Variants in DOCK8 observed in about 807,000 individuals in gnomAD.
DOCK8 encodes the protein dedicator of cytokinesis 8.
A neutral mutation model predicts 245.6 loss-of-function variants in DOCK8; 141 were observed. The observed-to-expected ratio is 0.57, with a 90% CI of 0.50 to 0.66. The LOEUF (loss-of-function observed/expected upper bound fraction) is 0.66. Ranked by LOEUF, DOCK8 falls within the 30% of genes least tolerant of loss-of-function variation. The pLI, the probability that DOCK8 is intolerant of heterozygous loss-of-function variation, is 0.00. For synonymous variants in DOCK8, 1,168 were observed against 970.2 expected (o/e 1.20, Z -3.79); for missense variants, 2,965 against 2,603.4 (o/e 1.14, Z -3.02).
At chr9:411,968 T>C (rs1001364642) in intron 28 of DOCK8, among the ~76,000 whole-genome samples, 4 of 152,054 alleles carry the variant, frequency 2.6e-5, no homozygotes, top group Admixed American at 1.3e-4. Context: ...CTATGAAAAA[T>C]CCACAGCTAA....
At chr9:212,260 G>A (rs559570121), upstream of DOCK8, among the ~76,000 whole-genome samples, 5 of 152,132 alleles carry the variant, frequency 3.3e-5, no homozygotes, top group African/African-American at 9.7e-5. Context: ...GAAAGAGGTC[G>A]GCTTTCTGGG....
chr9:455,100 T>C (rs948029483), intron 46 of DOCK8, among the ~76,000 whole-genome samples: 6 of 152,144 alleles, frequency 3.9e-5, no homozygotes, highest in African/African-American at 1.4e-4. Flanking sequence ...GTCCCACCTT[T>C]CTCCCCACTG....
intron 26 of DOCK8, among the ~76,000 whole-genome samples, chr9:399,997 T>TCA: frequency 1.7e-5 from 1 of 57,900 alleles, no homozygotes; most frequent in African/African-American, 8.2e-5. Flanking sequence ...TCCCACCACC[T>TCA]CCACCACCTC....
intron 6 of DOCK8, chr9:312,736 CTT>C: frequency 3.0e-6 from 1 of 329,050 alleles, no homozygotes; most frequent in Non-Finnish European, 5.8e-6. Context: ...ATAATGTAGA[CTT>C]TGCCTGTGGT....
chr9:400,838 A>AT (rs1564015744), intron 26 of DOCK8, among the ~76,000 whole-genome samples: 20 of 81,114 alleles, frequency 2.5e-4, no homozygotes, highest in Non-Finnish European at 3.2e-4. Flanking sequence ...CACCATCACC[A>AT]CCACCTCCAC....
At chr9:234,347 A>G (rs533753531) in intron 1 of DOCK8, among the ~76,000 whole-genome samples, 3 of 152,038 alleles carry the variant, frequency 2.0e-5, no homozygotes, top group South Asian at 2.1e-4. Context: ...CTTCATTTCA[A>G]CTTTGGTGAA....
intron 35 of DOCK8, among the ~76,000 whole-genome samples, chr9:429,269 T>A (rs1462384020): frequency 1.3e-5 from 2 of 152,354 alleles, no homozygotes; most frequent in East Asian, 3.9e-4. Flanking sequence ...TCCTGGCCTA[T>A]TTTTCCCTTT....
rs1167051326 is a variant in DOCK8 at position 360,877 on chromosome 9, C to T, written c.1680-7141C>T. The stretch of plus-strand genomic sequence containing the variant: ...GAGTGCTCCCTCAAAAAGAGCATTT[C>T]AGCTGGTCACAGTGGCTTGGGCTTG... On this transcript the variant is annotated intron_variant, in intron 14 of 47. Transcript: ENST00000432829. Among the ~76,000 whole-genome samples the T allele has an allele frequency of 6.6e-5, 10 of 152,208 alleles. No individual in the cohort carries two copies. In the East Asian group the frequency reaches 1.9e-3, roughly 29 times the overall value.
At chr9:349,901 T>C (rs769311426) in intron 14 of DOCK8, among the ~76,000 whole-genome samples, 1 of 152,224 alleles carries the variant, frequency 6.6e-6, no homozygotes, top group South Asian at 2.1e-4. Flanking sequence ...AGTAGGGACA[T>C]GAAAATTATT....
chr9:386,582 C>T (rs1004228691), intron 23 of DOCK8, among the ~76,000 whole-genome samples, 156 bp downstream of exon 23: 1 of 152,218 alleles, frequency 6.6e-6, no homozygotes, highest in Non-Finnish European at 1.5e-5. Context: ...CAGCCCTGTC[C>T]TTTACGCCAC....
At chr9:292,387 CAA>C (rs5895837) in intron 4 of DOCK8, among the ~76,000 whole-genome samples, 4 of 63,076 alleles carry the variant, frequency 6.3e-5, no homozygotes, top group Non-Finnish European at 1.0e-4. Context: ...AACTCCGTCT[CAA>C]AAAAAAAAAA....
At chr9:275,668 A>G (rs2048317113) in intron 2 of DOCK8, among the ~76,000 whole-genome samples, 1 of 151,972 alleles carries the variant, frequency 6.6e-6, no homozygotes, top group Non-Finnish European at 1.5e-5. Context: ...GGCTCACTGC[A>G]ACTCCTGCCT....
At chr9:429,312 G>T (rs2056620477) in intron 35 of DOCK8, among the ~76,000 whole-genome samples, 1 of 152,080 alleles carries the variant, frequency 6.6e-6, no homozygotes, top group Admixed American at 6.6e-5. Context: ...TTCTACATGG[G>T]GTCTTTTAAA....
At chr9:251,134 G>C (rs190826797) in intron 1 of DOCK8, among the ~76,000 whole-genome samples, 10 of 152,298 alleles carry the variant, frequency 6.6e-5, no homozygotes, top group Admixed American at 3.3e-4. Context: ...TTCTGTTTCA[G>C]ATGTCTCCTT....
At chr9:445,575 C>T (rs1275364310) in intron 43 of DOCK8, among the ~76,000 whole-genome samples, 4 of 152,162 alleles carry the variant, frequency 2.6e-5, no homozygotes, top group South Asian at 4.1e-4. Context: ...CCTTCATAAC[C>T]AAGATATAGA....
chr9:434,295 G>T (rs1046821679), intron 38 of DOCK8, among the ~76,000 whole-genome samples: 3 of 152,128 alleles, frequency 2.0e-5, no homozygotes, highest in Non-Finnish European at 4.4e-5. Flanking sequence ...ATATGCTTTT[G>T]TTCCAATTAT....
intron 24 of DOCK8, among the ~76,000 whole-genome samples, chr9:394,417 AC>A (rs1443411120): frequency 4.6e-5 from 7 of 152,172 alleles, no homozygotes; most frequent in Non-Finnish European, 1.0e-4. Context: ...TTATTTGAAA[AC>A]CAAAACAGTT....
At chr9:365,548 C>T (rs1177547928) in intron 14 of DOCK8, 3 of 445,158 alleles carry the variant, frequency 6.7e-6, no homozygotes, top group South Asian at 3.2e-5. Flanking sequence ...TACTGCTAGT[C>T]ATAAAACTTA....
At chr9:211,938 T>G (rs952279388), upstream of DOCK8, among the ~76,000 whole-genome samples, 2 of 152,108 alleles carry the variant, frequency 1.3e-5, no homozygotes, top group African/African-American at 4.8e-5. Flanking sequence ...AGCTTCCAGT[T>G]AAGTAGGGTA....
Sources: gnomAD v4.1 joint callset for allele counts (sites outside exome capture counted in the v4.1 genomes callset) on GRCh38, gnomAD v4.1.1 for gene constraint, MANE v1.5 for transcripts, NCBI Gene and HGNC (gene_info 2026-07-23, HGNC 2026-07-21) for gene names.